The following CDC42 variants were observed in gnomAD, a reference collection of about 807,000 sequenced individuals.
CDC42 encodes the protein cell division cycle 42, also known as cell division control protein 42 homolog.
In CDC42, 1 loss-of-function variant was observed where a neutral mutation model predicts 20.8. The observed-to-expected ratio is 0.05, with a 90% CI of 0.02 to 0.23. The LOEUF (loss-of-function observed/expected upper bound fraction) is 0.23, where lower values mean the gene tolerates loss of function less well. Ranked by LOEUF, CDC42 falls within the 10% of genes least tolerant of loss-of-function variation. The probability of loss-of-function intolerance (pLI) is 1.00; values close to 1 mark genes in which losing one functional copy is unlikely to be tolerated. For missense variants in CDC42, 49 were observed against 227.9 expected (o/e 0.21, Z 5.05); for synonymous variants, 72 against 84.8 (o/e 0.85, Z 0.83).
chr1:22,082,718 T>C (rs1334199712), intron 3 of CDC42, among the ~76,000 whole-genome samples: 1 of 152,052 alleles, frequency 6.6e-6, no homozygotes, highest in Non-Finnish European at 1.5e-5. Context: ...GAACGTGAAA[T>C]GGAGAGACAG....
At chr1:22,069,932 C>T (rs1353684016) in intron 1 of CDC42, among the ~76,000 whole-genome samples, 1 of 152,050 alleles carries the variant, frequency 6.6e-6, no homozygotes, top group East Asian at 1.9e-4. Context: ...GGACCACAGG[C>T]GCATGCCACC....
chr1:22,056,917 CTGT>C (rs755104411), intron 1 of CDC42, among the ~76,000 whole-genome samples: 35 of 152,230 alleles, frequency 2.3e-4, no homozygotes, highest in Admixed American at 4.6e-4. Flanking sequence ...GGCTCTGTTA[CTGT>C]TGTTCTGTAA....
In CDC42 at chr1:22,093,886, G is replaced by A. The variant is rs1645738529; in HGVS notation, c.*2369G>A. Among the ~76,000 whole-genome samples the A allele has an allele frequency of 2.0e-5, 3 of 152,300 alleles. No individual in the cohort carries two copies. Among genetic ancestry groups the A allele is most frequent in the South Asian group, 4.1e-4 (2 of 4,832 alleles). On this transcript the variant is annotated 3_prime_UTR_variant, in exon 6 of 6. Transcript: ENST00000656825. The stretch of plus-strand genomic sequence containing the variant: ...GATATGGCTCTAGAAGTAGTCATTG[G>A]ATGGGTATATTATTTTATAAATGAG...
intron 1 of CDC42, among the ~76,000 whole-genome samples, chr1:22,062,323 A>C (rs182602747): frequency 6.6e-6 from 1 of 152,340 alleles, no homozygotes; most frequent in Non-Finnish European, 1.5e-5. Context: ...ATCAGCTAGA[A>C]CAAAGAAAGT....
chr1:22,085,866 G>C (rs1645656405), intron 3 of CDC42, among the ~76,000 whole-genome samples: 1 of 152,090 alleles, frequency 6.6e-6, no homozygotes, highest in African/African-American at 2.4e-5. Context: ...CCATATCTGA[G>C]ATGGAGTCTC....
In CDC42 at chr1:22,078,419, C is replaced by A. The variant is rs572342695; in HGVS notation, c.-50-10C>A. The A allele has an allele frequency of 1.7e-5, 22 of 1,274,430 alleles. No individual in the cohort carries two copies. Among genetic ancestry groups the A allele is most frequent in the Non-Finnish European group, 2.2e-5 (20 of 891,070 alleles). The allele number at this position is 1,274,430 out of a possible 1,614,324, so 78.9% of individuals were successfully genotyped here. On this transcript the variant is annotated splice_polypyrimidine_tract_variant and intron_variant, in intron 1 of 5. Coordinates refer to ENST00000656825, the MANE Select transcript of CDC42 (RefSeq NM_001791.4). ...GTATAAATAAACAAATGTCTTTAAT[C>A]TTTTTGCAGGTCATCATCAGATTTG... is the stretch of plus-strand genomic sequence containing the variant.
intron 1 of CDC42, among the ~76,000 whole-genome samples, chr1:22,066,639 A>G (rs1376572274): frequency 1.3e-5 from 2 of 152,176 alleles, no homozygotes; most frequent in African/African-American, 4.8e-5. Context: ...GAGTGTAAGG[A>G]GGGAGGGTAC....
chr1:22,055,143 C>A lies in CDC42; in HGVS notation c.-51+2401C>A, dbSNP rs553885364. On this transcript the variant is annotated intron_variant, in intron 1 of 5. Coordinates refer to ENST00000656825, the MANE Select transcript of CDC42 (RefSeq NM_001791.4). ...TAATTTTTTGTATTTTTAGTAGAGA[C>A]GGGGTTTCACGGTGTTAGCCAGGAT... 2.0e-5 allele frequency among the ~76,000 whole-genome samples: 3 copies of A among 150,592 alleles called. No homozygotes were observed. The South Asian group carries it at 6.3e-4, about 32-fold the overall frequency.
intron 2 of CDC42, 93 bp downstream of exon 2, chr1:22,078,676 G>C: frequency 1.3e-6 from 2 of 1,531,650 alleles, no homozygotes; most frequent in Non-Finnish European, 1.8e-6. Flanking sequence ...ATTTTTTTCT[G>C]TTGTCTGCCT....
At position 22,092,060 on chromosome 1, in the gene CDC42, T is replaced by C. The variant is rs931062626; in HGVS notation, c.*543T>C. 6.6e-6 allele frequency: 1 copy of C among 152,526 alleles called. No individual in the cohort carries two copies. The highest frequency in any genetic ancestry group is 1.5e-5 in the Non-Finnish European group (1 of 68,016). The allele number at this position is 152,526 out of a possible 1,614,324, so 9.4% of individuals were successfully genotyped here. Reference sequence around the variant, plus strand: ...AGGACGGATTGATTCCACATTCCACTTCCTAGATCTAGTTTAGAAAACATG... The same window carrying C: ...AGGACGGATTGATTCCACATTCCACCTCCTAGATCTAGTTTAGAAAACATG... On this transcript the variant is annotated 3_prime_UTR_variant, in exon 6 of 6. Transcript: ENST00000656825.
intron 2 of CDC42, 111 bp from the exon 3 acceptor site, chr1:22,081,611 T>TA: frequency 1.5e-6 from 1 of 680,490 alleles, no homozygotes; most frequent in Non-Finnish European, 2.6e-6. Flanking sequence ...ATGGATGGAC[T>TA]AGGGGACGAT....
At position 22,097,992 on chromosome 1, in the gene CDC42, C is replaced by T. The variant is rs1289056505; in HGVS notation, c.*6475C>T. Among the ~76,000 whole-genome samples, 2 of 151,982 alleles carry T rather than the reference C, an allele frequency of 1.3e-5. No individual in the cohort carries two copies. Among genetic ancestry groups the T allele is most frequent in the African/African-American group, 4.8e-5 (2 of 41,384 alleles). Reference sequence around the variant, plus strand: ...AGGTAAGTATAGCATTTTCTCAACCCTATTACAATAGAGCACAGGATCATA... The same window carrying T: ...AGGTAAGTATAGCATTTTCTCAACCTTATTACAATAGAGCACAGGATCATA... On this transcript the variant is annotated 3_prime_UTR_variant, in exon 6 of 6. Transcript: ENST00000656825.
intron 1 of CDC42, among the ~76,000 whole-genome samples, chr1:22,073,354 T>C (rs1243550891): frequency 3.3e-5 from 5 of 151,708 alleles, no homozygotes; most frequent in Non-Finnish European, 7.4e-5. Context: ...CTGGCCAATG[T>C]GGCGAAACCC....
chr1:22,072,068 A>C (rs1569997438), intron 1 of CDC42, among the ~76,000 whole-genome samples: 1 of 144,662 alleles, frequency 6.9e-6, no homozygotes, highest in Non-Finnish European at 1.5e-5. Flanking sequence ...AACTCATAGA[A>C]CTCAGGAAAA....
chr1:22,078,358 C>T (rs1645573525), intron 1 of CDC42, 71 bp from the exon 2 acceptor site: 1 of 661,642 alleles, frequency 1.5e-6, no homozygotes, highest in Non-Finnish European at 2.5e-6. Context: ...AGTGCCTGAA[C>T]CTGTTGCTAA....
At chr1:22,080,219 C>T (rs888045003) in intron 2 of CDC42, among the ~76,000 whole-genome samples, 1 of 152,160 alleles carries the variant, frequency 6.6e-6, no homozygotes, top group Non-Finnish European at 1.5e-5. Context: ...ATTACACTAG[C>T]ATAAGTAGAC....
At chr1:22,079,451 T>C (rs923300820) in intron 2 of CDC42, among the ~76,000 whole-genome samples, 7 of 152,124 alleles carry the variant, frequency 4.6e-5, no homozygotes, top group Admixed American at 2.0e-4. Flanking sequence ...ATAACTGTTT[T>C]TTAAATCAAC....
chr1:22,085,516 C>T (rs1191917021), intron 3 of CDC42, among the ~76,000 whole-genome samples: 2 of 152,164 alleles, frequency 1.3e-5, no homozygotes, highest in Non-Finnish European at 2.9e-5. Flanking sequence ...ATAATGTTGA[C>T]ATGTCAACAA....
At chr1:22,061,520 T>G (rs2152826954) in intron 1 of CDC42, among the ~76,000 whole-genome samples, 1 of 141,462 alleles carries the variant, frequency 7.1e-6, no homozygotes. Context: ...CAGTTTAACT[T>G]CATGTTTCTT....
Sources: gnomAD v4.1 joint callset for allele counts (sites outside exome capture counted in the v4.1 genomes callset) on GRCh38, gnomAD v4.1.1 for gene constraint, MANE v1.5 for transcripts, NCBI Gene and HGNC (gene_info 2026-07-23, HGNC 2026-07-21) for gene names.